Variants in SH3GL2 observed in about 807,000 individuals in gnomAD.
The protein encoded by SH3GL2 is SH3 domain containing GRB2 like 2, endophilin A1, also known as endophilin-A1.
Under a neutral mutation model 46.0 loss-of-function variants are expected in SH3GL2, and 24 were observed. The ratio of observed to expected loss-of-function variants is 0.52; its 90% CI spans 0.38 to 0.73. SH3GL2 has a LOEUF of 0.73. Among genes scored for constraint, SH3GL2 ranks in the 30% least tolerant of loss-of-function variants. The probability of loss-of-function intolerance (pLI) is 0.00; values close to 1 mark genes in which losing one functional copy is unlikely to be tolerated. For missense variants in SH3GL2, 413 were observed against 424.2 expected, an observed-to-expected ratio of 0.97 and a Z score of 0.23; for synonymous variants, 196 against 147.1, an observed-to-expected ratio of 1.33 and a Z score of -2.40.
At chr9:17,585,663 A>G (rs1248087350) in intron 1 of SH3GL2, among the ~76,000 whole-genome samples, 1 of 152,202 alleles carries the variant, frequency 6.6e-6, no homozygotes, top group Non-Finnish European at 1.5e-5. Context: ...AAGTGCCTTT[A>G]CTAGTGATCT....
chr9:17,600,351 A>G (rs1818647810), intron 1 of SH3GL2, among the ~76,000 whole-genome samples: 1 of 152,240 alleles, frequency 6.6e-6, no homozygotes, highest in South Asian at 2.1e-4. Flanking sequence ...GAAAAAAATC[A>G]AGATGTCAAA....
At chr9:17,738,504 A>G (rs974114999) in intron 1 of SH3GL2, among the ~76,000 whole-genome samples, 2 of 140,150 alleles carry the variant, frequency 1.4e-5, no homozygotes, top group African/African-American at 5.0e-5. Context: ...ATATACATAC[A>G]TATATACATA....
chr9:17,613,603 G>A (rs1224959122), intron 1 of SH3GL2, among the ~76,000 whole-genome samples: 1 of 152,176 alleles, frequency 6.6e-6, no homozygotes, highest in Non-Finnish European at 1.5e-5. Context: ...AAGCACAAAT[G>A]TGTTTTCCTC....
chr9:17,672,660 A>G (rs4327940), intron 1 of SH3GL2, among the ~76,000 whole-genome samples: 10,469 of 152,088 alleles, frequency 0.069, 1,230 homozygotes, highest in African/African-American at 0.24. Context: ...AATACAGAGG[A>G]CCTAAGGAGT....
chr9:17,624,877 A>G (rs1183918000), intron 1 of SH3GL2, among the ~76,000 whole-genome samples: 1 of 152,236 alleles, frequency 6.6e-6, no homozygotes, highest in Non-Finnish European at 1.5e-5. Context: ...TTTGGGAACT[A>G]TCCATTTCTT....
intron 1 of SH3GL2, among the ~76,000 whole-genome samples, chr9:17,703,594 G>A (rs1821391294): frequency 6.6e-6 from 1 of 152,016 alleles, no homozygotes; most frequent in East Asian, 1.9e-4. Context: ...ACATCAAAAA[G>A]CTAATCCACT....
intron 1 of SH3GL2, among the ~76,000 whole-genome samples, chr9:17,688,000 T>C (rs1820966929): frequency 6.6e-6 from 1 of 152,128 alleles, no homozygotes; most frequent in Non-Finnish European, 1.5e-5. Context: ...AAAGATTGTG[T>C]CTCATAGTTC....
chr9:17,773,691 C>G (rs537920869), intron 3 of SH3GL2, among the ~76,000 whole-genome samples: 2 of 152,200 alleles, frequency 1.3e-5, no homozygotes, highest in Non-Finnish European at 2.9e-5. Flanking sequence ...CAGTACCACA[C>G]TGTATTACCA....
chr9:17,676,834 T>C (rs1222578023), intron 1 of SH3GL2, among the ~76,000 whole-genome samples: 2 of 152,178 alleles, frequency 1.3e-5, no homozygotes, highest in Non-Finnish European at 2.9e-5. Context: ...TGCTTTCTCA[T>C]CTTTCTCTAG....
chr9:17,619,712 A>G (rs1819094039), intron 1 of SH3GL2, among the ~76,000 whole-genome samples: 1 of 152,204 alleles, frequency 6.6e-6, no homozygotes. Flanking sequence ...TGAGTGAACC[A>G]TAAATTATTT....
chr9:17,700,660 T>G (rs775788416), intron 1 of SH3GL2, among the ~76,000 whole-genome samples: 2 of 152,336 alleles, frequency 1.3e-5, no homozygotes, highest in African/African-American at 4.8e-5. Flanking sequence ...TTCTCTATTC[T>G]GTGCTTGTGA....
At chr9:17,759,423 GCC>G (rs1170891210) in intron 2 of SH3GL2, among the ~76,000 whole-genome samples, 3 of 152,188 alleles carry the variant, frequency 2.0e-5, no homozygotes, top group African/African-American at 7.2e-5. Flanking sequence ...CTCTGACTTG[GCC>G]TCTCTTTCAG....
chr9:17,714,921 G>A (rs1821713439), intron 1 of SH3GL2, among the ~76,000 whole-genome samples: 1 of 151,588 alleles, frequency 6.6e-6, no homozygotes, highest in Non-Finnish European at 1.5e-5. Context: ...GTTGAGTGAT[G>A]AATTATTCCA....
At chr9:17,693,566 A>G (rs182023113) in intron 1 of SH3GL2, among the ~76,000 whole-genome samples, 318 of 149,152 alleles carry the variant, frequency 2.1e-3, no homozygotes, top group African/African-American at 7.4e-3. Context: ...ATATGGACAC[A>G]CACATACACA....
At chr9:17,783,686 C>T (rs1253742779) in intron 3 of SH3GL2, among the ~76,000 whole-genome samples, 1 of 151,976 alleles carries the variant, frequency 6.6e-6, no homozygotes, top group East Asian at 1.9e-4. Context: ...ACAGTGGAGC[C>T]CTTTTGGGAA....
At chr9:17,706,133 A>G (rs1285644307) in intron 1 of SH3GL2, among the ~76,000 whole-genome samples, 1 of 152,032 alleles carries the variant, frequency 6.6e-6, no homozygotes, top group Non-Finnish European at 1.5e-5. Flanking sequence ...TAAAACTTAG[A>G]TTTGAGTCAT....
intron 1 of SH3GL2, among the ~76,000 whole-genome samples, chr9:17,718,528 G>A (rs1301015880): frequency 6.6e-6 from 1 of 152,128 alleles, no homozygotes; most frequent in Admixed American, 6.6e-5. Context: ...TTTGAGATCA[G>A]CCTGGGCAAC....
chr9:17,582,853 G>A (rs937894823), intron 1 of SH3GL2, among the ~76,000 whole-genome samples: 7 of 152,144 alleles, frequency 4.6e-5, no homozygotes, highest in African/African-American at 1.7e-4. Context: ...GGCTTCCTTG[G>A]CTTGTAGATA....
intron 1 of SH3GL2, among the ~76,000 whole-genome samples, chr9:17,732,064 G>A (rs1332790788): frequency 1.3e-5 from 2 of 152,142 alleles, no homozygotes; most frequent in Non-Finnish European, 2.9e-5. Flanking sequence ...GTCTGATCAT[G>A]ACTGTTTTAA....
Sources: allele counts gnomAD v4.1 joint callset (sites outside exome capture counted in the v4.1 genomes callset), GRCh38; gene constraint gnomAD v4.1.1; transcripts MANE v1.5; gene names NCBI Gene and HGNC (gene_info 2026-07-23, HGNC 2026-07-21).